The following KCNQ5 variants were observed in gnomAD, a reference collection of about 807,000 sequenced individuals.
KCNQ5 encodes potassium voltage-gated channel subfamily KQT member 5.
KCNQ5 carries 30 observed loss-of-function variants against 98.2 expected under a neutral mutation model. That is an observed-to-expected ratio of 0.31 (90% confidence interval 0.23 to 0.41). KCNQ5 has a LOEUF of 0.41. KCNQ5 is among the 10% of genes least tolerant of loss of function. The pLI is 1.00. For missense variants in KCNQ5, 835 were observed against 1,182.5 expected (o/e 0.71, Z 4.31); for synonymous variants, 458 against 449.4 (o/e 1.02, Z -0.24).
chr6:72,870,590 TA>T (rs991558968), intron 1 of KCNQ5, among the ~76,000 whole-genome samples: 17 of 152,180 alleles, frequency 1.1e-4, no homozygotes, highest in African/African-American at 4.1e-4. Flanking sequence ...TGATGTGCCC[TA>T]TAATCTTGGC....
At chr6:72,863,761 G>A (rs1424155265) in intron 1 of KCNQ5, among the ~76,000 whole-genome samples, 1 of 152,112 alleles carries the variant, frequency 6.6e-6, no homozygotes, top group African/African-American at 2.4e-5. Flanking sequence ...TTGTGTAAGG[G>A]TGTTTTATTT....
At chr6:72,987,720 C>T (rs765608147) in intron 1 of KCNQ5, 32 of 551,094 alleles carry the variant, frequency 5.8e-5, no homozygotes, top group Middle Eastern at 1.2e-3. Flanking sequence ...TTCATAGGAA[C>T]GCTTCCAAGT....
chr6:72,670,433 T>C (rs1429449016), intron 1 of KCNQ5, among the ~76,000 whole-genome samples: 1 of 152,194 alleles, frequency 6.6e-6, no homozygotes, highest in Non-Finnish European at 1.5e-5. Flanking sequence ...TACCCATCAC[T>C]GAGTTCCAAA....
intron 1 of KCNQ5, among the ~76,000 whole-genome samples, chr6:72,670,403 C>T (rs1767040384): frequency 6.6e-6 from 1 of 152,140 alleles, no homozygotes; most frequent in South Asian, 2.1e-4. Flanking sequence ...CTAGCATGTA[C>T]CTCCAGCTCT....
At position 72,740,719 on chromosome 6, in the gene KCNQ5, A is replaced by G. The variant is rs367911567; in HGVS notation, c.398+118132A>G. 4.6e-5 allele frequency among the ~76,000 whole-genome samples: 7 copies of G among 152,108 alleles called. No homozygotes were observed. The East Asian group carries it at 1.4e-3, about 29-fold the overall frequency. ...TTATGCAGATGGATGAAAAGATTCT[A>G]GGAAGTTGGATTGTGTGCTGAAAGT... On this transcript the variant is annotated intron_variant, in intron 1 of 13. Coordinates refer to ENST00000370398, the MANE Select transcript of KCNQ5 (RefSeq NM_019842.4).
At chr6:72,633,843 T>C (rs1488586236) in intron 1 of KCNQ5, among the ~76,000 whole-genome samples, 1 of 152,192 alleles carries the variant, frequency 6.6e-6, no homozygotes, top group Non-Finnish European at 1.5e-5. Context: ...TGCAGAAGAA[T>C]TAAACTGGAC....
intron 5 of KCNQ5, among the ~76,000 whole-genome samples, chr6:73,102,245 C>A (rs1254157185): frequency 6.6e-6 from 1 of 152,060 alleles, no homozygotes; most frequent in Admixed American, 6.5e-5. Context: ...GGAAAAAAAT[C>A]AAATCAAAAT....
At chr6:72,772,499 G>A (rs1046921610) in intron 1 of KCNQ5, among the ~76,000 whole-genome samples, 3 of 152,088 alleles carry the variant, frequency 2.0e-5, no homozygotes, top group African/African-American at 7.2e-5. Flanking sequence ...TAGCTTCAGA[G>A]AAGTGAAAAT....
intron 5 of KCNQ5, among the ~76,000 whole-genome samples, chr6:73,090,065 C>T (rs1582334565): frequency 6.6e-6 from 1 of 151,602 alleles, no homozygotes; most frequent in East Asian, 1.9e-4. Context: ...GCATCTCCAC[C>T]AACATCTACT....
chr6:73,019,390 GA>G (rs1770488015), intron 2 of KCNQ5, among the ~76,000 whole-genome samples: 1 of 152,098 alleles, frequency 6.6e-6, no homozygotes, highest in Admixed American at 6.6e-5. Flanking sequence ...ATTGTGGCAG[GA>G]AAGCCCATAT....
At chr6:73,194,257 C>G (rs183244014) in intron 13 of KCNQ5, among the ~76,000 whole-genome samples, 195 bp from the exon 14 acceptor site, 15 of 152,302 alleles carry the variant, frequency 9.8e-5, no homozygotes, top group African/African-American at 3.1e-4. Context: ...AAGTGTCCCT[C>G]TCTTCCTAAG....
intron 5 of KCNQ5, among the ~76,000 whole-genome samples, chr6:73,080,233 C>T (rs1300072104): frequency 6.6e-6 from 1 of 152,106 alleles, no homozygotes; most frequent in Non-Finnish European, 1.5e-5. Flanking sequence ...ATTGATTTGC[C>T]TTTCAGTTCT....
chr6:72,762,744 A>G (rs1772351818), intron 1 of KCNQ5, among the ~76,000 whole-genome samples: 1 of 152,106 alleles, frequency 6.6e-6, no homozygotes, highest in Admixed American at 6.6e-5. Flanking sequence ...AGTAATACTT[A>G]TATATTGTTT....
chr6:73,043,663 A>G (rs1241939861), intron 3 of KCNQ5, among the ~76,000 whole-genome samples: 1 of 152,214 alleles, frequency 6.6e-6, no homozygotes, highest in Non-Finnish European at 1.5e-5. Flanking sequence ...GATTCACTCA[A>G]CTTCTACAGG....
intron 1 of KCNQ5, among the ~76,000 whole-genome samples, chr6:72,972,221 C>T (rs933154066): frequency 1.2e-3 from 178 of 152,288 alleles, no homozygotes; most frequent in African/African-American, 4.2e-3. Context: ...TTTTCAGAAT[C>T]TCCCTTTCAG....
intron 3 of KCNQ5, among the ~76,000 whole-genome samples, chr6:73,050,454 A>G (rs908169080): frequency 1.3e-5 from 2 of 152,228 alleles, no homozygotes; most frequent in Non-Finnish European, 2.9e-5. Context: ...CAAAAATAGT[A>G]CAGAATTTCC....
chr6:72,834,429 A>G (rs1472053576), intron 1 of KCNQ5, among the ~76,000 whole-genome samples: 1 of 152,172 alleles, frequency 6.6e-6, no homozygotes, highest in Non-Finnish European at 1.5e-5. Flanking sequence ...ATATAGAATA[A>G]ATGATTTTAC....
At chr6:72,705,772 C>A (rs949429770) in intron 1 of KCNQ5, among the ~76,000 whole-genome samples, 1 of 151,870 alleles carries the variant, frequency 6.6e-6, no homozygotes, top group African/African-American at 2.4e-5. Context: ...AGATTTTATA[C>A]CCTTATTACT....
chr6:72,778,218 A>G (rs1254530218), intron 1 of KCNQ5, among the ~76,000 whole-genome samples: 1 of 152,208 alleles, frequency 6.6e-6, no homozygotes, highest in East Asian at 1.9e-4. Context: ...ATTGCATAAT[A>G]TGATGACTAC....
Sources: gnomAD v4.1 joint callset for allele counts (sites outside exome capture counted in the v4.1 genomes callset) on GRCh38, gnomAD v4.1.1 for gene constraint, MANE v1.5 for transcripts, NCBI Gene and HGNC (gene_info 2026-07-23, HGNC 2026-07-21) for gene names.